BMAL1: variants seen among roughly 807,000 people sequenced by gnomAD.
BMAL1 encodes basic helix-loop-helix ARNT-like protein 1.
the BMAL1 span, among the ~76,000 whole-genome samples, chr11:13,308,058 T>C: frequency 1.3e-5 from 2 of 152,022 alleles, no homozygotes; most frequent in Non-Finnish European, 1.5e-5. Context: ...CGCAGCAATC[T>C]AGGATGGGGA....
chr11:13,295,466 T>C, the BMAL1 span, among the ~76,000 whole-genome samples: 857 of 152,264 alleles, frequency 5.6e-3, 6 homozygotes, highest in African/African-American at 0.019. Flanking sequence ...TAGGAACCTA[T>C]GTCCCTGATT....
At chr11:13,282,785 G>A in the BMAL1 span, among the ~76,000 whole-genome samples, 2 of 152,216 alleles carry the variant, frequency 1.3e-5, no homozygotes. Context: ...GAGCATTCTG[G>A]GAGAAGTTTA....
At chr11:13,311,129 G>A in the BMAL1 span, among the ~76,000 whole-genome samples, 2 of 152,224 alleles carry the variant, frequency 1.3e-5, no homozygotes, top group Non-Finnish European at 2.9e-5. Context: ...GATAGCTGAT[G>A]CATCTGGTTT....
the BMAL1 span, chr11:13,277,128 C>T: frequency 6.6e-6 from 1 of 152,276 alleles, no homozygotes; most frequent in Admixed American, 6.5e-5. Context: ...ACTAAGTATC[C>T]GTTCTCTCGT....
At chr11:13,282,262 A>G in the BMAL1 span, among the ~76,000 whole-genome samples, 17 of 152,250 alleles carry the variant, frequency 1.1e-4, no homozygotes, top group Admixed American at 9.8e-4. Context: ...TTTGCTCTCT[A>G]TGCCTTGGTG....
the BMAL1 span, among the ~76,000 whole-genome samples, chr11:13,364,840 A>C: frequency 2.2e-5 from 3 of 134,370 alleles, no homozygotes; most frequent in East Asian, 4.1e-4. Flanking sequence ...TCTGAATGCA[A>C]ATAGTCCGGC....
At chr11:13,294,964 T>A in the BMAL1 span, among the ~76,000 whole-genome samples, 1 of 152,198 alleles carries the variant, frequency 6.6e-6, no homozygotes, top group African/African-American at 2.4e-5. Flanking sequence ...CAGCTTCCTC[T>A]TCCTCTTTAT....
chr11:13,360,248 G>C, the BMAL1 span: 1 of 1,055,284 alleles, frequency 9.5e-7, no homozygotes, highest in Non-Finnish European at 1.4e-6. Context: ...CCAGGTCATA[G>C]AGACTAGGCC....
chr11:13,280,166 ATTTTCATAAG>A, the BMAL1 span, among the ~76,000 whole-genome samples: 8 of 152,234 alleles, frequency 5.3e-5, no homozygotes, highest in Admixed American at 4.6e-4. Flanking sequence ...CTGAAGCCCT[ATTTTCATAAG>A]AAAGTTAAGC....
chr11:13,298,980 G>A, the BMAL1 span, among the ~76,000 whole-genome samples: 4 of 152,134 alleles, frequency 2.6e-5, no homozygotes, highest in African/African-American at 7.2e-5. Context: ...TATCTCAGGC[G>A]GTCTGCGCCC....
At chr11:13,368,999 A>T in the BMAL1 span, among the ~76,000 whole-genome samples, 4 of 152,240 alleles carry the variant, frequency 2.6e-5, no homozygotes, top group South Asian at 6.2e-4. Context: ...GCACATTTCA[A>T]TTCAGAAAAG....
the BMAL1 span, among the ~76,000 whole-genome samples, chr11:13,349,123 A>G: frequency 2.0e-5 from 3 of 152,212 alleles, no homozygotes; most frequent in Non-Finnish European, 1.5e-5. Context: ...GTGGGAGGGC[A>G]GTACCGCCCG....
the BMAL1 span, among the ~76,000 whole-genome samples, chr11:13,371,903 G>A: frequency 6.6e-6 from 1 of 152,154 alleles, no homozygotes; most frequent in African/African-American, 2.4e-5. Context: ...CCTCTCCCTA[G>A]GAAGAGTTAG....
chr11:13,374,122 A>G, the BMAL1 span: 4 of 1,613,712 alleles, frequency 2.5e-6, no homozygotes, highest in Admixed American at 5.0e-5. Flanking sequence ...CATATTTACC[A>G]CAAGAACTTC....
the BMAL1 span, among the ~76,000 whole-genome samples, chr11:13,382,854 T>C: frequency 6.6e-6 from 1 of 152,198 alleles, no homozygotes; most frequent in African/African-American, 2.4e-5. Context: ...CCTGGGCTCA[T>C]GGCTTCCAAT....
chr11:13,281,480 A>G, the BMAL1 span, among the ~76,000 whole-genome samples: 2 of 152,076 alleles, frequency 1.3e-5, no homozygotes, highest in Non-Finnish European at 2.9e-5. Context: ...CCATCTGCCC[A>G]TCCTTATTCC....
the BMAL1 span, among the ~76,000 whole-genome samples, chr11:13,305,972 C>G: frequency 1.3e-5 from 2 of 152,214 alleles, no homozygotes; most frequent in African/African-American, 4.8e-5. Flanking sequence ...ATGCAGGAAG[C>G]TCACCACTGT....
chr11:13,294,021 A>G, the BMAL1 span, among the ~76,000 whole-genome samples: 1 of 152,242 alleles, frequency 6.6e-6, no homozygotes, highest in African/African-American at 2.4e-5. Flanking sequence ...AGGATACAAA[A>G]AAGAGCTTAA....
the BMAL1 span, among the ~76,000 whole-genome samples, chr11:13,280,160 AGCCCT>A: frequency 5.3e-5 from 8 of 152,276 alleles, no homozygotes; most frequent in Admixed American, 4.6e-4. Context: ...TCTGAGCTGA[AGCCCT>A]ATTTTCATAA....
Sources: allele counts gnomAD v4.1 joint callset (sites outside exome capture counted in the v4.1 genomes callset), GRCh38; gene constraint gnomAD v4.1.1; transcripts MANE v1.5; gene names NCBI Gene and HGNC (gene_info 2026-07-23, HGNC 2026-07-21).